The following NR3C1 variants were observed in gnomAD, a reference collection of about 807,000 sequenced individuals.
NR3C1 encodes nuclear receptor subfamily 3 group C member 1, also known as glucocorticoid receptor.
NR3C1 carries 14 observed loss-of-function variants against 74.0 expected under a neutral mutation model. That is an observed-to-expected ratio of 0.19 (90% CI 0.12 to 0.30). NR3C1 has a LOEUF of 0.30. Ranked by LOEUF, NR3C1 falls within the 10% of genes least tolerant of loss-of-function variation. The pLI is 1.00. For synonymous variants in NR3C1, 308 were observed against 332.5 expected, an observed-to-expected ratio of 0.93 and a Z score of 0.80; for missense variants, 695 against 909.8, an observed-to-expected ratio of 0.76 and a Z score of 3.04.
chr5:143,405,842 T>C (rs72557307), upstream of NR3C1, among the ~76,000 whole-genome samples: 32 of 152,228 alleles, frequency 2.1e-4, no homozygotes, highest in East Asian at 6.0e-3. Flanking sequence ...GCCCTTGCTT[T>C]GGATGCTCAT....
At chr5:143,432,565 G>C (rs1751882319) in intron 1 of NR3C1, among the ~76,000 whole-genome samples, 1 of 152,166 alleles carries the variant, frequency 6.6e-6, no homozygotes, top group Non-Finnish European at 1.5e-5. Context: ...AAAAGGCTGA[G>C]GTAAAGCAGG....
chr5:143,360,527 A>G (rs1275992354), intron 2 of NR3C1, among the ~76,000 whole-genome samples: 2 of 152,248 alleles, frequency 1.3e-5, no homozygotes, highest in African/African-American at 4.8e-5. Flanking sequence ...TTAGAAACAC[A>G]AAATATTTAG....
chr5:143,333,174 A>G, intron 2 of NR3C1: 2 of 1,578,886 alleles, frequency 1.3e-6, no homozygotes, highest in Middle Eastern at 2.3e-4. Context: ...GGGCTTCCTC[A>G]AGGAGATGGG....
intron 2 of NR3C1, among the ~76,000 whole-genome samples, chr5:143,355,595 A>G (rs1033086261): frequency 6.6e-6 from 1 of 152,218 alleles, no homozygotes; most frequent in Admixed American, 6.5e-5. Flanking sequence ...AATTAAATAC[A>G]TTGAAAGTAG....
intron 1 of NR3C1, among the ~76,000 whole-genome samples, chr5:143,428,805 T>C (rs1027527748): frequency 6.6e-6 from 1 of 152,160 alleles, no homozygotes; most frequent in Admixed American, 6.5e-5. Flanking sequence ...AGCAAAGCAA[T>C]GTGAGTGGGG....
chr5:143,322,249 G>A (rs151314555), intron 2 of NR3C1, among the ~76,000 whole-genome samples: 1 of 152,330 alleles, frequency 6.6e-6, no homozygotes, highest in African/African-American at 2.4e-5. Context: ...TAAGTAACTA[G>A]TAAAGTCAGG....
intron 2 of NR3C1, among the ~76,000 whole-genome samples, chr5:143,397,586 C>T (rs1429213295): frequency 1.3e-5 from 2 of 151,822 alleles, no homozygotes; most frequent in African/African-American, 2.4e-5. Context: ...CAAATATTAA[C>T]AAAATACCCT....
At chr5:143,370,377 T>C (rs555203950) in intron 2 of NR3C1, among the ~76,000 whole-genome samples, 5 of 152,358 alleles carry the variant, frequency 3.3e-5, no homozygotes, top group Non-Finnish European at 2.9e-5. Context: ...TGAAAAATGT[T>C]AACTTCAAAG....
chr5:143,342,313 A>G (rs1828390991), intron 2 of NR3C1, among the ~76,000 whole-genome samples: 1 of 152,184 alleles, frequency 6.6e-6, no homozygotes, highest in Non-Finnish European at 1.5e-5. Context: ...TAATCTTGGC[A>G]ACATCTCTGA....
chr5:143,332,365 T>A (rs1826151029), intron 2 of NR3C1, among the ~76,000 whole-genome samples: 1 of 108,634 alleles, frequency 9.2e-6, no homozygotes, highest in Non-Finnish European at 1.7e-5. Flanking sequence ...CTGTGGATCA[T>A]AACATCTGAG....
At chr5:143,287,332 A>T (rs1814731035) in intron 7 of NR3C1, among the ~76,000 whole-genome samples, 1 of 152,152 alleles carries the variant, frequency 6.6e-6, no homozygotes, top group East Asian at 1.9e-4. Flanking sequence ...ACAAATTATG[A>T]AAATCTATAA....
intron 6 of NR3C1, among the ~76,000 whole-genome samples, chr5:143,297,675 G>A (rs1487305456): frequency 1.3e-5 from 2 of 152,150 alleles, no homozygotes; most frequent in African/African-American, 2.4e-5. Context: ...CCAGGGGTAT[G>A]TGTGTGTGAA....
At position 143,282,703 on chromosome 5, in the gene NR3C1, G is replaced by A. The variant is rs765613766; in HGVS notation, c.2046C>T (p.Ser682=). 3 of 1,613,484 alleles carry A rather than the reference G, an allele frequency of 1.9e-6. No individual in the cohort carries two copies. The highest frequency in any genetic ancestry group is 2.2e-5 in the South Asian group (2 of 91,056). Residue 682 remains serine (S), a synonymous_variant, in exon 8 of 9, where the codon AGC becomes AGT. Transcript: ENST00000394464. ...LSSVPKDGLK[S]QELFDEIRMT... ...TTCTAATTTCATCAAATAGCTCTTG[G>A]CTCTTCAGACCGTCCTTAGGAACTA...
At chr5:143,380,768 C>A (rs201574730) in intron 2 of NR3C1, among the ~76,000 whole-genome samples, 1 of 152,148 alleles carries the variant, frequency 6.6e-6, no homozygotes, top group South Asian at 2.1e-4. Flanking sequence ...AATGGTACCA[C>A]AAGTTAAAGT....
intron 2 of NR3C1, among the ~76,000 whole-genome samples, chr5:143,334,382 A>G (rs1826667245): frequency 6.6e-6 from 1 of 151,980 alleles, no homozygotes; most frequent in African/African-American, 2.4e-5. Context: ...CTCTGTCTCA[A>G]AAAAAAAGAA....
intron 2 of NR3C1, among the ~76,000 whole-genome samples, chr5:143,317,597 G>A (rs149024030): frequency 6.6e-6 from 1 of 152,190 alleles, no homozygotes; most frequent in East Asian, 1.9e-4. Flanking sequence ...TAATTCCTGA[G>A]GCTGAGTTTA....
rs146724591 is a variant in NR3C1 at position 143,375,238 on chromosome 5, C to T, written c.1184+24418G>A. On this transcript the variant is annotated intron_variant, in intron 2 of 8. Transcript: ENST00000394464. ...CTTCTAAAAGAAAAATGTAAAAAAA[C>T]CATGATTTAATGCTTCTGAAAATAC... 4.3e-3 allele frequency among the ~76,000 whole-genome samples: 659 copies of T among 152,204 alleles called. 2 individuals carry two copies. Among genetic ancestry groups the T allele is most frequent in the South Asian group, 0.012 (58 of 4,816 alleles).
At chr5:143,297,570 G>A (rs1340511819) in intron 6 of NR3C1, among the ~76,000 whole-genome samples, 1 of 152,184 alleles carries the variant, frequency 6.6e-6, no homozygotes, top group African/African-American at 2.4e-5. Flanking sequence ...TTGTGATGCA[G>A]TAGTTTGAAC....
chr5:143,397,598 T>C (rs1393718072), intron 2 of NR3C1, among the ~76,000 whole-genome samples: 2 of 151,960 alleles, frequency 1.3e-5, no homozygotes, highest in Admixed American at 6.6e-5. Context: ...AAATACCCTG[T>C]ATAAAGTATT....
Sources: gnomAD v4.1 joint callset for allele counts (sites outside exome capture counted in the v4.1 genomes callset) on GRCh38, gnomAD v4.1.1 for gene constraint, MANE v1.5 for transcripts, NCBI Gene and HGNC (gene_info 2026-07-23, HGNC 2026-07-21) for gene names.